Variants in EPC2 observed in about 807,000 individuals in gnomAD.
The protein encoded by EPC2 is enhancer of polycomb 2, also known as enhancer of polycomb homolog 2.
A neutral mutation model predicts 92.1 loss-of-function variants in EPC2; 14 were observed. The observed-to-expected ratio is 0.15, with a 90% CI of 0.10 to 0.24. EPC2 has a LOEUF of 0.24. EPC2 is among the 10% of genes least tolerant of loss of function. EPC2 has a pLI of 1.00. For synonymous variants in EPC2, 340 were observed against 334.7 expected (o/e 1.02, Z -0.17); for missense variants, 755 against 971.5 (o/e 0.78, Z 2.96).
rs892859528 is a variant in EPC2 at position 148,765,052 on chromosome 2, C to A, written c.1046C>A (p.Ser349Tyr). The A allele has an allele frequency of 6.2e-7, 1 of 1,610,054 alleles. No homozygotes were observed. Among genetic ancestry groups the A allele is most frequent in the Non-Finnish European group, 8.5e-7 (1 of 1,177,688 alleles). ...CCTAAAGCAGAGGCTTTGATAACAT[C>A]TCAGCAACCCACTCCTGAGACATTG... ...KKPKAEALIT[S>Y]QQPTPETLPV... Residue 349 changes from serine to tyrosine, a missense_variant, in exon 7 of 14, where the codon TCT becomes TAT. By Grantham distance (144) the Ser-to-Tyr change is moderately radical. Coordinates refer to ENST00000258484, the MANE Select transcript of EPC2 (RefSeq NM_015630.4).
chr2:148,662,279 A>G (rs1680953361), intron 1 of EPC2, among the ~76,000 whole-genome samples: 1 of 152,160 alleles, frequency 6.6e-6, no homozygotes, highest in Non-Finnish European at 1.5e-5. Flanking sequence ...GGGATCTAGA[A>G]CTAGAAATAC....
chr2:148,765,001 G>T lies in EPC2; in HGVS notation c.995G>T (p.Arg332Leu), dbSNP rs1424248823. 1 of 1,601,754 alleles carries T rather than the reference G, an allele frequency of 6.2e-7. No individual in the cohort carries two copies. Among genetic ancestry groups the T allele is most frequent in the African/African-American group, 1.3e-5 (1 of 74,500 alleles). The change falls in exon 7 of 14, where the codon CGT (arginine) becomes CTT (leucine). Residue 332 changes from arginine to leucine, a missense_variant. By Grantham distance (102) the Arg-to-Leu change is moderately radical. Transcript: ENST00000258484. ...AAAGAAGAGGCTTCTGATGTGGTTC[G>T]TCAAAAGAAGAAGTACCCAAAGAAG... ...SLKEEASDVV[R>L]QKKKYPKKPK...
At chr2:148,746,744 T>C (rs1682992589) in intron 3 of EPC2, among the ~76,000 whole-genome samples, 1 of 152,100 alleles carries the variant, frequency 6.6e-6, no homozygotes, top group African/African-American at 2.4e-5. Context: ...TTAAGAAATA[T>C]ACACTTAAGT....
chr2:148,741,969 A>G (rs1242513303), intron 2 of EPC2, among the ~76,000 whole-genome samples: 2 of 152,212 alleles, frequency 1.3e-5, no homozygotes, highest in Admixed American at 1.3e-4. Flanking sequence ...TAAAACACAT[A>G]TATTAGTGCG....
intron 10 of EPC2, among the ~76,000 whole-genome samples, chr2:148,772,567 T>A (rs938836699): frequency 6.6e-6 from 1 of 152,202 alleles, no homozygotes; most frequent in Non-Finnish European, 1.5e-5. Context: ...GTACAGTGAT[T>A]TGTTTAAAGG....
intron 3 of EPC2, among the ~76,000 whole-genome samples, chr2:148,748,768 A>C (rs1683034475): frequency 6.6e-6 from 1 of 152,166 alleles, no homozygotes; most frequent in South Asian, 2.1e-4. Flanking sequence ...TCTGTCAAAT[A>C]ACGTCAGGTG....
intron 3 of EPC2, among the ~76,000 whole-genome samples, chr2:148,745,768 T>C (rs1682974503): frequency 1.3e-5 from 2 of 152,130 alleles, no homozygotes; most frequent in South Asian, 4.1e-4. Flanking sequence ...TTTTCCTTTA[T>C]GGGGGCTGGC....
chr2:148,729,067 G>T (rs1483397372), intron 2 of EPC2, among the ~76,000 whole-genome samples: 1 of 145,238 alleles, frequency 6.9e-6, no homozygotes, highest in South Asian at 2.2e-4. Context: ...AGCAAACTTG[G>T]ATTGTTTTCT....
chr2:148,732,669 C>T (rs1481129137), intron 2 of EPC2, among the ~76,000 whole-genome samples: 4 of 152,294 alleles, frequency 2.6e-5, no homozygotes, highest in Non-Finnish European at 5.9e-5. Context: ...GCATGAGCCA[C>T]TGTGCCCGGC....
chr2:148,697,650 A>G (rs551394830), intron 2 of EPC2, among the ~76,000 whole-genome samples: 1 of 152,220 alleles, frequency 6.6e-6, no homozygotes, highest in Non-Finnish European at 1.5e-5. Context: ...CAAAGACATT[A>G]GAGGGAGAAC....
intron 1 of EPC2, among the ~76,000 whole-genome samples, chr2:148,657,612 A>G (rs1680829488): frequency 6.6e-6 from 1 of 151,858 alleles, no homozygotes; most frequent in African/African-American, 2.4e-5. Context: ...GAGAGGTAGT[A>G]TTGTAGTTCT....
At chr2:148,728,685 G>A (rs564771190) in intron 2 of EPC2, among the ~76,000 whole-genome samples, 21 of 151,648 alleles carry the variant, frequency 1.4e-4, no homozygotes, top group African/African-American at 4.6e-4. Flanking sequence ...AGCCATGATC[G>A]TGCTACTGCA....
intron 4 of EPC2, among the ~76,000 whole-genome samples, chr2:148,759,471 A>T (rs1235379049): frequency 1.8e-4 from 27 of 152,246 alleles, no homozygotes; most frequent in Admixed American, 1.8e-3. Context: ...GCTGTAAAGG[A>T]CATTAGTGGG....
chr2:148,782,602 G>A lies in EPC2; in HGVS notation c.1857+822G>A, dbSNP rs1226060131. On this transcript the variant is annotated intron_variant, in intron 11 of 13. Transcript: ENST00000258484. Reference sequence around the variant, plus strand: ...AAGAAGAAAATTGCCACTAGGGGAAGTTGTTTGTAGACACCACTAAATAAA... The same window carrying A: ...AAGAAGAAAATTGCCACTAGGGGAAATTGTTTGTAGACACCACTAAATAAA... 2.0e-5 allele frequency among the ~76,000 whole-genome samples: 3 copies of A among 152,000 alleles called. No individual in the cohort carries two copies. The East Asian group carries it at 5.8e-4, about 29-fold the overall frequency.
rs988243654 is a variant in EPC2, at chr2:148,663,343, C to T, written c.153+18173C>T. Reference sequence around the variant, plus strand: ...ACGCTATTCTCCTGCCTCAGCCTCCCGAGTAGCTGGGACCATAGGTGCCTG... The same window carrying T: ...ACGCTATTCTCCTGCCTCAGCCTCCTGAGTAGCTGGGACCATAGGTGCCTG... On this transcript the variant is annotated intron_variant, in intron 1 of 13. Transcript: ENST00000258484. Among the ~76,000 whole-genome samples the T allele has an allele frequency of 7.3e-5, 11 of 150,772 alleles. No individual in the cohort carries two copies. The East Asian group carries it at 1.4e-3, about 19-fold the overall frequency.
intron 2 of EPC2, among the ~76,000 whole-genome samples, chr2:148,737,133 T>C (rs902824952): frequency 6.6e-6 from 1 of 152,090 alleles, no homozygotes; most frequent in South Asian, 2.1e-4. Context: ...GTTTTTTTGT[T>C]TGTTGATCGA....
Position 148,781,678 on chromosome 2 carries a change from A to G in EPC2, c.1755A>G (p.Thr585=). 1 of 1,613,926 alleles carries G rather than the reference A, an allele frequency of 6.2e-7. No individual in the cohort carries two copies. The highest frequency in any genetic ancestry group is 8.5e-7 in the Non-Finnish European group (1 of 1,179,852). The change falls in exon 11 of 14, where the codon ACA becomes ACG. Residue 585 remains threonine, a synonymous_variant. Transcript: ENST00000258484. ...GTATCACAGAAGAGCAGTTTCAGAC[A>G]CATCAGCAGCAGTTAGTTCAGATGC... ...TGGITEEQFQ[T]HQQQLVQMQR... is the part of the protein sequence containing the mutation.
chr2:148,665,638 T>C (rs1681041495), intron 1 of EPC2, among the ~76,000 whole-genome samples: 2 of 152,218 alleles, frequency 1.3e-5, no homozygotes, highest in Admixed American at 6.5e-5. Flanking sequence ...TCTAGAATTA[T>C]GATGTTTAGG....
intron 2 of EPC2, among the ~76,000 whole-genome samples, chr2:148,743,167 T>C (rs1390061488): frequency 6.6e-6 from 1 of 152,170 alleles, no homozygotes; most frequent in Non-Finnish European, 1.5e-5. Flanking sequence ...TTCAGCTTAA[T>C]TTTTTTAAGA....
Sources: gnomAD v4.1 joint callset for allele counts (sites outside exome capture counted in the v4.1 genomes callset) on GRCh38, gnomAD v4.1.1 for gene constraint, MANE v1.5 for transcripts, NCBI Gene and HGNC (gene_info 2026-07-23, HGNC 2026-07-21) for gene names.